Variants in PSMD4 observed in about 807,000 individuals in gnomAD.
PSMD4 encodes 26S proteasome non-ATPase regulatory subunit 4.
Under a neutral mutation model 39.7 loss-of-function variants are expected in PSMD4, and 5 were observed. That is an observed-to-expected ratio of 0.13 (90% CI 0.07 to 0.26). The LOEUF (loss-of-function observed/expected upper bound fraction) is 0.26. PSMD4 is among the 10% of genes least tolerant of loss of function. The pLI is 1.00. For missense variants in PSMD4, 272 were observed against 486.1 expected (o/e 0.56, Z 4.14); for synonymous variants, 143 against 174.6 (o/e 0.82, Z 1.43).
At position 151,264,136 on chromosome 1, in the gene PSMD4, G is replaced by A. The variant is rs1261643750; in HGVS notation, c.282+108G>A. On this transcript the variant is annotated intron_variant, in intron 3 of 9. Transcript: ENST00000368884. Reference sequence around the variant, plus strand: ...TGAGCTAGGACCAGAGCAAGAGAAAGCTAACTTGGAGTAGAAAGGATATGG... The same window carrying A: ...TGAGCTAGGACCAGAGCAAGAGAAAACTAACTTGGAGTAGAAAGGATATGG... 3 of 847,326 alleles carry A rather than the reference G, an allele frequency of 3.5e-6. No homozygotes were observed. The African/African-American group carries it at 5.1e-5, about 14-fold the overall frequency. 52.5% of individuals were successfully genotyped at this position (847,326 alleles called of 1,614,324 possible).
At position 151,260,154 on chromosome 1, in the gene PSMD4, G is replaced by T. The variant is rs587673476; in HGVS notation, c.27-2007G>T. ...GCGGAGGTTGCGGTGAGCCGAGATC[G>T]AGCCATTGCACTCCAGCCTGGGCAA... On this transcript the variant is annotated intron_variant, in intron 1 of 9. Transcript: ENST00000368884. Among the ~76,000 whole-genome samples, 3 of 151,280 alleles carry T rather than the reference G, an allele frequency of 2.0e-5. No individual in the cohort carries two copies. In the South Asian group the frequency reaches 6.3e-4, roughly 32 times the overall value.
chr1:151,263,831 A>G, intron 2 of PSMD4, 83 bp from the exon 3 acceptor site: 1 of 1,022,380 alleles, frequency 9.8e-7, no homozygotes, highest in East Asian at 2.8e-5. Context: ...CTCCGTCTAA[A>G]AAATAAATAA....
chr1:151,264,811 A>T (rs764602840), intron 3 of PSMD4, 21 bp from the exon 4 acceptor site: 5 of 1,577,676 alleles, frequency 3.2e-6, no homozygotes, highest in African/African-American at 2.7e-5. Flanking sequence ...TAACTCTGAG[A>T]ACTTCCTCTC....
intron 1 of PSMD4, among the ~76,000 whole-genome samples, chr1:151,260,693 G>A (rs1434753709): frequency 2.6e-5 from 4 of 151,756 alleles, no homozygotes; most frequent in Non-Finnish European, 4.4e-5. Flanking sequence ...CTGCCACCAC[G>A]CCCGGCTAAC....
chr1:151,259,649 G>C (rs1426572917), intron 1 of PSMD4, among the ~76,000 whole-genome samples: 1 of 151,768 alleles, frequency 6.6e-6, no homozygotes, highest in Non-Finnish European at 1.5e-5. Context: ...AGCACTTTGA[G>C]AGGCCAAGGC....
chr1:151,257,953 C>T (rs1017832465), intron 1 of PSMD4, among the ~76,000 whole-genome samples: 4 of 151,886 alleles, frequency 2.6e-5, no homozygotes, highest in South Asian at 2.1e-4. Context: ...TTTATTTGAG[C>T]GGTATTTTGT....
chr1:151,260,677 A>C (rs1003406857), intron 1 of PSMD4, among the ~76,000 whole-genome samples: 1 of 151,940 alleles, frequency 6.6e-6, no homozygotes, highest in Non-Finnish European at 1.5e-5. Flanking sequence ...CTGGGATTAC[A>C]GGTGCCTGCC....
At chr1:151,254,942 C>T (rs1037993252) in intron 1 of PSMD4, 134 bp downstream of exon 1, 6 of 1,129,686 alleles carry the variant, frequency 5.3e-6, no homozygotes, top group Non-Finnish European at 7.1e-6. Flanking sequence ...GTAAGGAGCC[C>T]GCTGGACTCC....
At position 151,267,408 on chromosome 1, in the gene PSMD4, T is replaced by G; in HGVS notation, c.*65T>G. The G allele has an allele frequency of 1.3e-6, 2 of 1,537,976 alleles. No homozygotes were observed. The highest frequency in any genetic ancestry group is 2.8e-5 in the African/African-American group (2 of 72,716). ...GCATGGGAAGCACGGAATATAGGGT[T>G]AGATGTGTGTTATCTGTAACCATTA... On this transcript the variant is annotated 3_prime_UTR_variant, in exon 10 of 10. Coordinates refer to ENST00000368884, the MANE Select transcript of PSMD4 (RefSeq NM_002810.4).
chr1:151,267,411 A>G lies in PSMD4; in HGVS notation c.*68A>G. 3 of 1,533,072 alleles carry G rather than the reference A, an allele frequency of 2.0e-6. No individual in the cohort carries two copies. Among genetic ancestry groups the G allele is most frequent in the Non-Finnish European group, 2.7e-6 (3 of 1,123,844 alleles). The allele number at this position is 1,533,072 out of a possible 1,614,324, so 95.0% of individuals were successfully genotyped here. On this transcript the variant is annotated 3_prime_UTR_variant, in exon 10 of 10. Transcript: ENST00000368884. ...TGGGAAGCACGGAATATAGGGTTAG[A>G]TGTGTGTTATCTGTAACCATTACAG...
intron 3 of PSMD4, 121 bp from the exon 4 acceptor site, chr1:151,264,711 G>A (rs1038214953): frequency 1.6e-5 from 12 of 735,136 alleles, no homozygotes; most frequent in Admixed American, 1.3e-4. Flanking sequence ...TTGTGTGAAC[G>A]TGATGGTAGA....
At position 151,267,463 on chromosome 1, in the gene PSMD4, TCCTTTTTTG is replaced by T; in HGVS notation, c.*122_*130del. The T allele has an allele frequency of 1.6e-6, 2 of 1,218,320 alleles. No individual in the cohort carries two copies. The highest frequency in any genetic ancestry group is 3.1e-5 in the South Asian group (2 of 65,204). The allele number at this position is 1,218,320 out of a possible 1,614,324, so 75.5% of individuals were successfully genotyped here. On this transcript the variant is annotated 3_prime_UTR_variant, in exon 10 of 10. Transcript: ENST00000368884. Reference sequence around the variant, plus strand: ...CTAAATAAAGCTTGGCAACTTTTTTTCCTTTTTTGCTTCAAATATTGATGGTTTTGAGTG... The same window carrying T: ...CTAAATAAAGCTTGGCAACTTTTTTTCTTCAAATATTGATGGTTTTGAGTG...
rs765570318 is a variant in PSMD4, at chr1:151,264,042, G to T, written c.282+14G>T. The T allele has an allele frequency of 3.2e-5, 50 of 1,545,530 alleles. No homozygotes were observed. Among genetic ancestry groups the T allele is most frequent in the Non-Finnish European group, 4.0e-5 (45 of 1,133,462 alleles). ...CGCGTGGCCCATGTGAGTCCTACTG[G>T]GTTCCCTGGACCTTTCCTCCCTGCT... On this transcript the variant is annotated intron_variant, in intron 3 of 9. Coordinates refer to ENST00000368884, the MANE Select transcript of PSMD4 (RefSeq NM_002810.4).
At chr1:151,266,155 A>G (rs779287309) in intron 7 of PSMD4, 43 bp downstream of exon 7, 5 of 1,589,954 alleles carry the variant, frequency 3.1e-6, no homozygotes, top group South Asian at 1.2e-5. Context: ...GCGGGATGCT[A>G]AACATTGAAA....
At chr1:151,264,690 G>A in intron 3 of PSMD4, 142 bp from the exon 4 acceptor site, 10 of 638,128 alleles carry the variant, frequency 1.6e-5, no homozygotes, top group Middle Eastern at 2.5e-4. Flanking sequence ...AGGAGGTGGG[G>A]GTGTTAAATC....
At chr1:151,267,141 C>G in intron 9 of PSMD4, 32 bp from the exon 10 acceptor site, 1 of 1,613,354 alleles carries the variant, frequency 6.2e-7, no homozygotes, top group Non-Finnish European at 8.5e-7. Flanking sequence ...CCGCTCCATA[C>G]CCTCCCTTGA....
Position 151,262,289 on chromosome 1 carries a change from T to C in PSMD4, c.155T>C (p.Ile52Thr). 1 of 1,614,180 alleles carries C rather than the reference T, an allele frequency of 6.2e-7. No homozygotes were observed. Among genetic ancestry groups the C allele is most frequent in the Non-Finnish European group, 8.5e-7 (1 of 1,180,022 alleles). Residue 52 changes from isoleucine to threonine, a missense_variant, in exon 2 of 10, where the codon ATC (isoleucine) becomes ACC (threonine). Around this residue, in one of 3 missense-constraint regions of PSMD4, gnomAD observed 153 missense variants for 257.6 expected, o/e 0.59. Transcript: ENST00000368884. ...AACCCTGAGAACAACGTGGGCCTTATCACACTGGCTAAGTATGGGGGACAG... is the reference window on the plus strand; with the variant it reads ...AACCCTGAGAACAACGTGGGCCTTACCACACTGGCTAAGTATGGGGGACAG... ...RSNPENNVGL[I>T]TLANDCEVLT...
chr1:151,259,845 T>C (rs1571067868), intron 1 of PSMD4, among the ~76,000 whole-genome samples: 1 of 152,050 alleles, frequency 6.6e-6, no homozygotes, highest in South Asian at 2.1e-4. Flanking sequence ...CCTCCCAAAG[T>C]GCTGGGATTA....
At chr1:151,257,719 T>C (rs907984238) in intron 1 of PSMD4, among the ~76,000 whole-genome samples, 2 of 142,320 alleles carry the variant, frequency 1.4e-5, no homozygotes, top group South Asian at 2.3e-4. Context: ...GGCTTTCTTT[T>C]TTTTTTTTTT....
Sources: allele counts gnomAD v4.1 joint callset (sites outside exome capture counted in the v4.1 genomes callset), GRCh38; gene constraint gnomAD v4.1.1; regional missense constraint gnomAD v4.1.1; transcripts MANE v1.5; gene names NCBI Gene and HGNC (gene_info 2026-07-23, HGNC 2026-07-21).